Variants in ACCSL observed in about 807,000 individuals in gnomAD.
The protein encoded by ACCSL is probable inactive 1-aminocyclopropane-1-carboxylate synthase-like protein 2.
ACCSL carries 55 observed loss-of-function variants against 61.7 expected under a neutral mutation model. The observed-to-expected ratio is 0.89, with a 90% CI of 0.72 to 1.12. The LOEUF is 1.12. Among genes scored for constraint, ACCSL ranks in the 50% most tolerant of loss-of-function variants. ACCSL has a pLI of 0.00. For synonymous variants in ACCSL, 258 were observed against 264.3 expected, an observed-to-expected ratio of 0.98 and a Z score of 0.23; for missense variants, 632 against 698.0, an observed-to-expected ratio of 0.91 and a Z score of 1.07.
chr11:44,032,354 T>C, the ACCSL span, among the ~76,000 whole-genome samples: 1 of 152,222 alleles, frequency 6.6e-6, no homozygotes, highest in Non-Finnish European at 1.5e-5. Context: ...CTTGCATGGC[T>C]CTTGTTCATG....
chr11:43,990,791 G>A, the ACCSL span, among the ~76,000 whole-genome samples: 1 of 152,302 alleles, frequency 6.6e-6, no homozygotes, highest in South Asian at 2.1e-4. Context: ...ACTAAAGCCA[G>A]GGGTGTGCCG....
At chr11:43,945,747 C>G in the ACCSL span, 1 of 151,542 alleles carries the variant, frequency 6.6e-6, no homozygotes, top group African/African-American at 2.4e-5. Flanking sequence ...ATTCAGGAGG[C>G]TGAGGGGAGA....
chr11:43,998,968 C>T, the ACCSL span, among the ~76,000 whole-genome samples: 1 of 152,138 alleles, frequency 6.6e-6, no homozygotes, highest in Non-Finnish European at 1.5e-5. Context: ...CTTTGTTGCT[C>T]AGGTTACTTA....
chr11:43,982,815 C>G, the ACCSL span, among the ~76,000 whole-genome samples: 10 of 152,178 alleles, frequency 6.6e-5, no homozygotes, highest in Non-Finnish European at 4.4e-5. Flanking sequence ...GAATTGTGTG[C>G]AGAGCCAGAA....
At chr11:44,038,607 T>C in the ACCSL span, among the ~76,000 whole-genome samples, 1 of 151,516 alleles carries the variant, frequency 6.6e-6, no homozygotes, top group Non-Finnish European at 1.5e-5. Context: ...TGTTAGAGGG[T>C]AGAGTTAGAG....
At chr11:43,923,577 T>G in the ACCSL span, among the ~76,000 whole-genome samples, 1 of 152,240 alleles carries the variant, frequency 6.6e-6, no homozygotes, top group Non-Finnish European at 1.5e-5. Flanking sequence ...TTGAATCCAT[T>G]CTTAGATGTG....
At chr11:44,030,057 ATTTTTTT>A in the ACCSL span, among the ~76,000 whole-genome samples, 1 of 4,452 alleles carries the variant, frequency 2.2e-4, no homozygotes, top group Non-Finnish European at 4.1e-4. Flanking sequence ...TCTTTGGTTG[ATTTTTTT>A]TTTTTTTTTT....
the ACCSL span, among the ~76,000 whole-genome samples, chr11:43,963,488 T>A: frequency 6.6e-6 from 1 of 152,212 alleles, no homozygotes; most frequent in Admixed American, 6.5e-5. Context: ...GGTGGTAACT[T>A]GGCTTCTACA....
chr11:44,052,635 G>T (rs770697296), intron 5 of ACCSL, 27 bp from the exon 6 acceptor site: 3 of 1,597,728 alleles, frequency 1.9e-6, no homozygotes, highest in Non-Finnish European at 2.6e-6. Flanking sequence ...ACTTTGGACT[G>T]ATAGCTCTGT....
At chr11:44,025,190 C>G in the ACCSL span, among the ~76,000 whole-genome samples, 7 of 152,226 alleles carry the variant, frequency 4.6e-5, no homozygotes, top group East Asian at 1.2e-3. Context: ...AGGGTTTACA[C>G]TTGCCATTTT....
the ACCSL span, among the ~76,000 whole-genome samples, chr11:44,024,050 G>A: frequency 3.3e-4 from 51 of 152,264 alleles, no homozygotes; most frequent in African/African-American, 1.0e-3. Flanking sequence ...CAGTGTGTCC[G>A]TGAGGGTGTC....
chr11:43,953,320 C>T, the ACCSL span, among the ~76,000 whole-genome samples: 2 of 152,144 alleles, frequency 1.3e-5, no homozygotes, highest in East Asian at 3.9e-4. Context: ...TGAGACCAGC[C>T]TGGCCAAAGA....
the ACCSL span, chr11:43,925,559 G>A: frequency 4.8e-6 from 2 of 419,006 alleles, no homozygotes; most frequent in South Asian, 3.4e-5. Context: ...GACAAGACTG[G>A]CCCCGTTCGC....
At chr11:43,982,289 G>A in the ACCSL span, among the ~76,000 whole-genome samples, 7 of 142,428 alleles carry the variant, frequency 4.9e-5, no homozygotes, top group Admixed American at 2.2e-4. Flanking sequence ...GTGCAGTGGC[G>A]CAATCTCGGC....
chr11:44,011,106 G>A, the ACCSL span, among the ~76,000 whole-genome samples: 6 of 152,102 alleles, frequency 3.9e-5, no homozygotes, highest in East Asian at 9.6e-4. Flanking sequence ...GTCTCTCCTC[G>A]CCCCACTGGG....
At chr11:44,042,335 G>A in the ACCSL span, among the ~76,000 whole-genome samples, 15 of 152,072 alleles carry the variant, frequency 9.9e-5, no homozygotes, top group Non-Finnish European at 2.2e-4. Context: ...GAACTGATTT[G>A]TTCAGATTTT....
the ACCSL span, among the ~76,000 whole-genome samples, chr11:44,005,833 A>G: frequency 2.2e-3 from 328 of 152,262 alleles, 6 homozygotes; most frequent in East Asian, 0.029. Flanking sequence ...AGATGAAGAA[A>G]CCAAGGCTTA....
At chr11:43,983,019 G>A in the ACCSL span, among the ~76,000 whole-genome samples, 4 of 152,166 alleles carry the variant, frequency 2.6e-5, no homozygotes, top group African/African-American at 4.8e-5. Context: ...AGGAAGGGGT[G>A]CAAGACAGAG....
At chr11:44,013,752 C>CAAAAACAAAACCAA in the ACCSL span, among the ~76,000 whole-genome samples, 2 of 148,970 alleles carry the variant, frequency 1.3e-5, no homozygotes, top group East Asian at 3.9e-4. Context: ...TAGTTTAATT[C>CAAAAACAAAACCAA]AAAAACAAAA....
Sources: gnomAD v4.1 joint callset for allele counts (sites outside exome capture counted in the v4.1 genomes callset) on GRCh38, gnomAD v4.1.1 for gene constraint, MANE v1.5 for transcripts, NCBI Gene and HGNC (gene_info 2026-07-23, HGNC 2026-07-21) for gene names.